Variants in PCDH17 observed in about 807,000 individuals in gnomAD.
The protein encoded by PCDH17 is protocadherin 17, also known as protocadherin-17.
A neutral mutation model predicts 67.7 loss-of-function variants in PCDH17; 21 were observed. The observed-to-expected ratio is 0.31, with a 90% CI of 0.22 to 0.45. The LOEUF is 0.45. Among genes scored for constraint, PCDH17 ranks in the 20% least tolerant of loss-of-function variants. PCDH17 has a pLI of 1.00. For missense variants in PCDH17, 1,471 were observed against 1,564.8 expected (o/e 0.94, Z 1.01); for synonymous variants, 701 against 656.7 (o/e 1.07, Z -1.03).
chr13:57,679,313 A>G lies in PCDH17; in HGVS notation c.2797+12480A>G, dbSNP rs78264308. Among the ~76,000 whole-genome samples, 13 of 151,422 alleles carry G rather than the reference A, an allele frequency of 8.6e-5. No individual in the cohort carries two copies. In the East Asian group the frequency reaches 2.5e-3, roughly 30 times the overall value. ...GACACATTATTTAATCCAATATTCTATGAAATCATAATAGAATTGTGCAGT... is the reference window on the plus strand; with the variant it reads ...GACACATTATTTAATCCAATATTCTGTGAAATCATAATAGAATTGTGCAGT... On this transcript the variant is annotated intron_variant, in intron 3 of 3. Transcript: ENST00000377918.
intron 3 of PCDH17, among the ~76,000 whole-genome samples, chr13:57,680,360 ATG>A (rs1295548728): frequency 6.6e-6 from 1 of 151,652 alleles, no homozygotes; most frequent in Admixed American, 6.6e-5. Flanking sequence ...AGAAGTGGAG[ATG>A]TAGCAAGCCA....
In PCDH17 at chr13:57,632,335, G is replaced by C; in HGVS notation, c.-212G>C. 1 of 595,644 alleles carries C rather than the reference G, an allele frequency of 1.7e-6. No homozygotes were observed. The highest frequency in any genetic ancestry group is 3.0e-6 in the Non-Finnish European group (1 of 337,972). 36.9% of individuals were successfully genotyped at this position (595,644 alleles called of 1,614,324 possible). The stretch of plus-strand genomic sequence containing the variant: ...CTGCTGCACCGCAGCTTCTCACCCA[G>C]TGCGGATGCTGTAGATCAACAGGTT... On this transcript the variant is annotated 5_prime_UTR_variant, in exon 1 of 4. Transcript: ENST00000377918.
At chr13:57,679,422 A>G (rs1290933781) in intron 3 of PCDH17, among the ~76,000 whole-genome samples, 3 of 151,240 alleles carry the variant, frequency 2.0e-5, no homozygotes, top group African/African-American at 7.3e-5. Context: ...TAAATATGAT[A>G]AATATTTACT....
chr13:57,703,339 A>G lies in PCDH17; in HGVS notation c.2798-21273A>G, dbSNP rs1422609129. ...GGGTGCATAAAGAACTTCTAGGGGT[A>G]GTAAATAAGTAAAGGTGATTATTTC... is the stretch of plus-strand genomic sequence containing the variant. On this transcript the variant is annotated intron_variant, in intron 3 of 3. Transcript: ENST00000377918. Among the ~76,000 whole-genome samples, 3 of 152,186 alleles carry G rather than the reference A, an allele frequency of 2.0e-5. No individual in the cohort carries two copies. In the East Asian group the frequency reaches 5.8e-4, roughly 29 times the overall value.
At chr13:57,717,480 G>T (rs1284340604) in intron 3 of PCDH17, among the ~76,000 whole-genome samples, 1 of 151,850 alleles carries the variant, frequency 6.6e-6, no homozygotes, top group African/African-American at 2.4e-5. Flanking sequence ...ATGTCCAAAG[G>T]GTCACAGACA....
intron 3 of PCDH17, among the ~76,000 whole-genome samples, chr13:57,672,572 G>A (rs941258104): frequency 1.3e-5 from 2 of 151,936 alleles, no homozygotes; most frequent in African/African-American, 2.4e-5. Context: ...GTTGAGGCTC[G>A]TGCCCACCTG....
intron 3 of PCDH17, among the ~76,000 whole-genome samples, chr13:57,671,726 T>A (rs575214743): frequency 6.6e-6 from 1 of 152,192 alleles, no homozygotes; most frequent in South Asian, 2.1e-4. Context: ...AGTTCCCAAT[T>A]TTCCAAGGAT....
At position 57,634,810 on chromosome 13, in the gene PCDH17, G is replaced by T. The variant is rs1252264875; in HGVS notation, c.2264G>T (p.Gly755Val). ...AEYSHPQLGG[G>V]KGKKKKINKN... ...TACAGCCACCCGCAGCTGGGTGGGG[G>T]CAAGGGCAAGAAGAAGAAGATCAAC... Residue 755 changes from glycine to valine, a missense_variant, in exon 1 of 4, where the codon GGC (glycine) becomes GTC (valine). Gly to Val is a moderately radical substitution (Grantham distance 109, BLOSUM62 -3). Transcript: ENST00000377918. This position sits in a 1 kb window ranked among gnomAD's most constrained non-coding sequence, Gnocchi z 7.8. 2 of 1,613,954 alleles carry T rather than the reference G, an allele frequency of 1.2e-6. No homozygotes were observed. The highest frequency in any genetic ancestry group is 1.7e-6 in the Non-Finnish European group (2 of 1,180,022).
chr13:57,672,259 T>C (rs1488443143), intron 3 of PCDH17, among the ~76,000 whole-genome samples: 1 of 151,976 alleles, frequency 6.6e-6, no homozygotes, highest in East Asian at 1.9e-4. Flanking sequence ...AGCTAATAAA[T>C]ATTTGTTTGT....
intron 3 of PCDH17, 98 bp downstream of exon 3, chr13:57,666,931 C>T (rs1348864240): frequency 1.4e-5 from 12 of 833,758 alleles, no homozygotes; most frequent in Non-Finnish European, 1.9e-5. Context: ...TGGAATGGAC[C>T]ATTTATAATA....
At chr13:57,675,719 G>A (rs1374246283) in intron 3 of PCDH17, among the ~76,000 whole-genome samples, 4 of 151,926 alleles carry the variant, frequency 2.6e-5, no homozygotes, top group African/African-American at 9.7e-5. Flanking sequence ...GACTAGGAAT[G>A]GCAGATATGA....
intron 3 of PCDH17, among the ~76,000 whole-genome samples, chr13:57,693,290 C>A (rs1955575989): frequency 8.4e-6 from 1 of 119,038 alleles, no homozygotes; most frequent in African/African-American, 3.2e-5. Flanking sequence ...TTTTAAGAAA[C>A]TTGGTATATT....
At chr13:57,640,499 A>T (rs1189973731) in intron 1 of PCDH17, among the ~76,000 whole-genome samples, 1 of 152,066 alleles carries the variant, frequency 6.6e-6, no homozygotes, top group Non-Finnish European at 1.5e-5. Context: ...TTCTTCTCTA[A>T]GGAACAGCTC....
chr13:57,712,938 T>A (rs1955789290), intron 3 of PCDH17, among the ~76,000 whole-genome samples: 1 of 151,676 alleles, frequency 6.6e-6, no homozygotes. Context: ...GAAAATACTC[T>A]CCAAGATAAG....
intron 1 of PCDH17, among the ~76,000 whole-genome samples, chr13:57,660,614 C>T (rs559849934): frequency 6.6e-4 from 101 of 152,224 alleles, no homozygotes; most frequent in African/African-American, 1.8e-3. Flanking sequence ...TGTGTAGTTT[C>T]ATGAAACAAG....
At chr13:57,711,865 T>A (rs1266872542) in intron 3 of PCDH17, among the ~76,000 whole-genome samples, 1 of 151,472 alleles carries the variant, frequency 6.6e-6, no homozygotes, top group Non-Finnish European at 1.5e-5. Flanking sequence ...AATACATCAA[T>A]GAGTTATGTA....
intron 3 of PCDH17, among the ~76,000 whole-genome samples, chr13:57,693,229 T>C (rs191954500): frequency 0.011 from 1,686 of 147,168 alleles, 26 homozygotes; most frequent in African/African-American, 0.039. Flanking sequence ...TTTTTTCATT[T>C]CAGTATGATA....
At position 57,633,560 on chromosome 13, in the gene PCDH17, G is replaced by A; in HGVS notation, c.1014G>A (p.Thr338=). 1.2e-6 allele frequency: 2 copies of A among 1,613,708 alleles called. No individual in the cohort carries two copies. The highest frequency in any genetic ancestry group is 1.7e-6 in the Non-Finnish European group (2 of 1,180,028). The change falls in exon 1 of 4, where the codon ACG becomes ACA. Residue 338 remains threonine, a synonymous_variant. Transcript: ENST00000377918. This position sits in a 1 kb window ranked among gnomAD's most constrained non-coding sequence, Gnocchi z 6.2. ...PNPIPAHCKV[T]VKLIDRNDNA... The stretch of plus-strand genomic sequence containing the variant: ...CTATCCCAGCCCACTGCAAAGTCAC[G>A]GTCAAGCTCATCGACCGCAACGACA...
At chr13:57,670,640 T>A (rs2138030554) in intron 3 of PCDH17, among the ~76,000 whole-genome samples, 1 of 151,470 alleles carries the variant, frequency 6.6e-6, no homozygotes, top group South Asian at 2.1e-4. Context: ...TAAATTGAAA[T>A]ATTTCTTTAA....
Sources: allele counts gnomAD v4.1 joint callset (sites outside exome capture counted in the v4.1 genomes callset), GRCh38; gene constraint gnomAD v4.1.1; non-coding constraint Gnocchi (gnomAD v3.1); transcripts MANE v1.5; gene names NCBI Gene and HGNC (gene_info 2026-07-23, HGNC 2026-07-21).